Variants in BCL2 observed in about 807,000 individuals in gnomAD.
The protein encoded by BCL2 is apoptosis regulator Bcl-2.
In BCL2, 1 loss-of-function variant was observed where a neutral mutation model predicts 14.2. The ratio of observed to expected loss-of-function variants is 0.07; its 90% confidence interval spans 0.02 to 0.33. The LOEUF (loss-of-function observed/expected upper bound fraction) is 0.33. Ranked by LOEUF, BCL2 falls within the 10% of genes least tolerant of loss-of-function variation. The pLI, the probability that BCL2 is intolerant of heterozygous loss-of-function variation, is 0.99. For missense variants in BCL2, 247 were observed against 305.9 expected, an observed-to-expected ratio of 0.81 and a Z score of 1.44; for synonymous variants, 151 against 137.2, an observed-to-expected ratio of 1.10 and a Z score of -0.70.
At chr18:63,307,286 G>C (rs1913172973) in intron 2 of BCL2, among the ~76,000 whole-genome samples, 1 of 152,158 alleles carries the variant, frequency 6.6e-6, no homozygotes, top group African/African-American at 2.4e-5. Flanking sequence ...TTAGTCATGG[G>C]TGATGCCCTT....
intron 2 of BCL2, among the ~76,000 whole-genome samples, chr18:63,244,557 TA>T (rs893133776): frequency 3.3e-5 from 5 of 151,364 alleles, no homozygotes; most frequent in South Asian, 2.1e-4. Context: ...AGACTGTCTT[TA>T]AAAAAAAAGA....
intron 2 of BCL2, among the ~76,000 whole-genome samples, chr18:63,284,888 T>C (rs772669589): frequency 1.3e-5 from 2 of 151,900 alleles, no homozygotes; most frequent in Non-Finnish European, 2.9e-5. Context: ...CTACAGACTG[T>C]GAGAATCCTG....
intron 2 of BCL2, among the ~76,000 whole-genome samples, chr18:63,268,662 A>G (rs1344791220): frequency 1.3e-5 from 2 of 152,216 alleles, no homozygotes; most frequent in African/African-American, 4.8e-5. Context: ...TTGCCATTAC[A>G]CACTTAAAGC....
chr18:63,189,189 TAAAA>T (rs34498028), intron 2 of BCL2, among the ~76,000 whole-genome samples: 3 of 135,356 alleles, frequency 2.2e-5, no homozygotes, highest in Non-Finnish European at 3.1e-5. Context: ...TAACAGCATA[TAAAA>T]AAAAAAAAAA....
intron 2 of BCL2, among the ~76,000 whole-genome samples, chr18:63,154,214 C>A (rs1381937561): frequency 6.6e-6 from 1 of 152,178 alleles, no homozygotes; most frequent in Non-Finnish European, 1.5e-5. Flanking sequence ...GACACACCAT[C>A]ACTGTCATCT....
chr18:63,197,216 T>A (rs1007553150), intron 2 of BCL2, among the ~76,000 whole-genome samples: 25 of 152,072 alleles, frequency 1.6e-4, no homozygotes, highest in Non-Finnish European at 7.4e-5. Context: ...ACCTTCAGAG[T>A]CCAACCCGGC....
intron 2 of BCL2, among the ~76,000 whole-genome samples, chr18:63,196,466 C>A (rs747456941): frequency 6.6e-6 from 1 of 152,026 alleles, no homozygotes; most frequent in Non-Finnish European, 1.5e-5. Flanking sequence ...TTACTAAAAC[C>A]TTCTTCTCGA....
At chr18:63,301,405 ACT>A (rs1273934772) in intron 2 of BCL2, among the ~76,000 whole-genome samples, 2 of 152,330 alleles carry the variant, frequency 1.3e-5, no homozygotes, top group South Asian at 4.1e-4. Flanking sequence ...GTATATCTTA[ACT>A]CACACACACA....
At chr18:63,155,911 G>A (rs1361098724) in intron 2 of BCL2, among the ~76,000 whole-genome samples, 1 of 152,096 alleles carries the variant, frequency 6.6e-6, no homozygotes, top group Non-Finnish European at 1.5e-5. Flanking sequence ...CCCTCTCCCA[G>A]GACCCTTCCC....
At chr18:63,209,100 T>A (rs1413802857) in intron 2 of BCL2, among the ~76,000 whole-genome samples, 3 of 152,192 alleles carry the variant, frequency 2.0e-5, no homozygotes, top group Non-Finnish European at 2.9e-5. Context: ...TAGGTCCCTT[T>A]GGGGAAGGCT....
intron 2 of BCL2, among the ~76,000 whole-genome samples, chr18:63,131,104 A>G (rs547376174): frequency 9.5e-4 from 145 of 152,216 alleles, no homozygotes; most frequent in African/African-American, 3.4e-3. Context: ...GCAGCCCCCC[A>G]ATGCTAACAG....
At chr18:63,151,492 G>C (rs1444480189) in intron 2 of BCL2, among the ~76,000 whole-genome samples, 2 of 135,018 alleles carry the variant, frequency 1.5e-5, no homozygotes, top group African/African-American at 5.4e-5. Context: ...ATAGATGGGG[G>C]GCGATAACAG....
At chr18:63,167,340 T>C (rs565078350) in intron 2 of BCL2, among the ~76,000 whole-genome samples, 4 of 152,358 alleles carry the variant, frequency 2.6e-5, no homozygotes, top group African/African-American at 7.2e-5. Flanking sequence ...TCTAGCCTTC[T>C]AGGACATTTT....
chr18:63,149,829 T>C lies in BCL2; in HGVS notation c.586-21070A>G, dbSNP rs1007613805. 6.6e-6 allele frequency among the ~76,000 whole-genome samples: 1 copy of C among 152,088 alleles called. No individual in the cohort carries two copies. The highest frequency in any genetic ancestry group is 1.5e-5 in the Non-Finnish European group (1 of 68,026). ...TTATATGGCTCTCTACAGAAAGGGT[T>C]CTCCTGACATGAGGCATTTATTTAT... On this transcript the variant is annotated intron_variant, in intron 2 of 2. Coordinates refer to ENST00000333681, the MANE Select transcript of BCL2 (RefSeq NM_000633.3). This position sits in a 1 kb window ranked among gnomAD's most constrained non-coding sequence, Gnocchi z 4.2.
intron 2 of BCL2, among the ~76,000 whole-genome samples, chr18:63,134,559 T>A (rs1599200149): frequency 6.6e-6 from 1 of 152,226 alleles, no homozygotes; most frequent in African/African-American, 2.4e-5. Context: ...GGAAATTTAA[T>A]ATGGCTTGGC....
rs1913906961 is a variant in BCL2 at position 63,126,225 on chromosome 18, G to A, written c.*2400C>T. 4 of 218,590 alleles carry A rather than the reference G, an allele frequency of 1.8e-5. No individual in the cohort carries two copies. The highest frequency in any genetic ancestry group is 5.8e-5 in the Admixed American group (1 of 17,252). 13.5% of individuals were successfully genotyped at this position (218,590 alleles called of 1,614,324 possible). A position where few individuals can be genotyped will look rare whatever the true frequency, so the allele number is the denominator to read the frequency against. On this transcript the variant is annotated 3_prime_UTR_variant, in exon 3 of 3. Coordinates refer to ENST00000333681, the MANE Select transcript of BCL2 (RefSeq NM_000633.3). ...CCCTGAGGCCCGCCGGGGAGGTCTG[G>A]CTTCATACCACAGGTTTCCTGCTTT...
At chr18:63,262,143 C>T (rs535816210) in intron 2 of BCL2, among the ~76,000 whole-genome samples, 1 of 152,270 alleles carries the variant, frequency 6.6e-6, no homozygotes, top group Non-Finnish European at 1.5e-5. Flanking sequence ...TCTTGAACTC[C>T]TGGCTTCAAG....
intron 2 of BCL2, among the ~76,000 whole-genome samples, chr18:63,191,242 G>A (rs1302528046): frequency 6.6e-6 from 1 of 152,102 alleles, no homozygotes; most frequent in African/African-American, 2.4e-5. Flanking sequence ...TGGCTCAAAT[G>A]GTATTTCTGG....
intron 2 of BCL2, among the ~76,000 whole-genome samples, chr18:63,291,145 T>A (rs1912633305): frequency 2.0e-5 from 3 of 152,216 alleles, no homozygotes; most frequent in Admixed American, 1.3e-4. Flanking sequence ...TGTGGCCTAA[T>A]TTATGCTGCA....
Sources: allele counts gnomAD v4.1 joint callset (sites outside exome capture counted in the v4.1 genomes callset), GRCh38; gene constraint gnomAD v4.1.1; non-coding constraint Gnocchi (gnomAD v3.1); transcripts MANE v1.5; gene names NCBI Gene and HGNC (gene_info 2026-07-23, HGNC 2026-07-21).